Variants in FUT8 observed in about 807,000 individuals in gnomAD.
The protein encoded by FUT8 is fucosyltransferase 8, also known as alpha-(1,6)-fucosyltransferase.
FUT8 carries 29 observed loss-of-function variants against 71.3 expected under a neutral mutation model. The observed-to-expected ratio is 0.41, with a 90% confidence interval of 0.30 to 0.55. The LOEUF is 0.55. FUT8 is among the 20% of genes least tolerant of loss of function. The pLI, the probability that FUT8 is intolerant of heterozygous loss-of-function variation, is 0.34. For synonymous variants in FUT8, 254 were observed against 239.3 expected, an observed-to-expected ratio of 1.06 and a Z score of -0.57; for missense variants, 544 against 702.1, an observed-to-expected ratio of 0.77 and a Z score of 2.55.
chr14:65,439,970 A>ACGTATACATATATATATATGTACG (rs1566748227), intron 1 of FUT8, among the ~76,000 whole-genome samples: 1 of 134,502 alleles, frequency 7.4e-6, no homozygotes. Context: ...ATATATATAT[A>ACGTATACATATATATATATGTACG]TATATATATA....
At chr14:65,623,872 G>T (rs182885828) in intron 5 of FUT8, among the ~76,000 whole-genome samples, 1 of 152,180 alleles carries the variant, frequency 6.6e-6, no homozygotes, top group Non-Finnish European at 1.5e-5. Flanking sequence ...TCTTTAGTAT[G>T]CCCACTTATT....
chr14:65,415,992 G>GT (rs1566733424), intron 1 of FUT8, among the ~76,000 whole-genome samples: 3 of 151,912 alleles, frequency 2.0e-5, no homozygotes, highest in African/African-American at 4.8e-5. Flanking sequence ...TGGAATATTG[G>GT]TTTTTTTGCA....
intron 1 of FUT8, among the ~76,000 whole-genome samples, chr14:65,431,156 C>T (rs1338750644): frequency 2.8e-5 from 4 of 141,990 alleles, no homozygotes; most frequent in Non-Finnish European, 4.7e-5. Context: ...CCACTATACC[C>T]GGCTAATTTT....
At chr14:65,644,203 A>G (rs1891005330) in intron 6 of FUT8, among the ~76,000 whole-genome samples, 1 of 152,168 alleles carries the variant, frequency 6.6e-6, no homozygotes, top group Admixed American at 6.5e-5. Flanking sequence ...GAGTCACCTG[A>G]AACCTATTCA....
chr14:65,527,688 C>T (rs1169653317), intron 2 of FUT8, among the ~76,000 whole-genome samples: 2 of 151,768 alleles, frequency 1.3e-5, no homozygotes, highest in African/African-American at 4.8e-5. Context: ...TTTTATCTAC[C>T]TTTGGTCTTT....
rs367742096 is a variant in FUT8, at chr14:65,733,294, A to C, written c.1323A>C (p.Arg441=). ...SISWSAGLHN[R]YTENSLRGVI... is the part of the protein sequence containing the mutation. ...CCTGGTCAGCTGGACTGCACAATCGATACACAGAAAATTCACTTCGTGGAG... is the reference window on the plus strand; with the variant it reads ...CCTGGTCAGCTGGACTGCACAATCGCTACACAGAAAATTCACTTCGTGGAG... The change falls in exon 10 of 11, where the codon CGA becomes CGC. Residue 441 remains arginine, a synonymous_variant. Coordinates refer to ENST00000673929, the MANE Select transcript of FUT8 (RefSeq NM_001371533.1). The C allele has an allele frequency of 3.1e-6, 5 of 1,609,302 alleles. No individual in the cohort carries two copies. The African/African-American group carries it at 6.7e-5, about 22-fold the overall frequency.
chr14:65,600,975 A>G (rs1888260587), intron 3 of FUT8, among the ~76,000 whole-genome samples: 1 of 152,174 alleles, frequency 6.6e-6, no homozygotes, highest in African/African-American at 2.4e-5. Flanking sequence ...TGTCAAAGTA[A>G]ATATGGACAC....
At position 65,518,133 on chromosome 14, in the gene FUT8, A is replaced by G. The variant is rs377478182; in HGVS notation, c.-227-43204A>G. On this transcript the variant is annotated intron_variant, in intron 2 of 10. Coordinates refer to ENST00000673929, the MANE Select transcript of FUT8 (RefSeq NM_001371533.1). ...CTTTTAGGGTTTTTCTATGTGTGCA[A>G]GCTGGACCTTTTGAAGTTTAACACT... is the stretch of plus-strand genomic sequence containing the variant. Among the ~76,000 whole-genome samples, 14 of 152,306 alleles carry G rather than the reference A, an allele frequency of 9.2e-5. No individual in the cohort carries two copies. In the East Asian group the frequency reaches 2.5e-3, roughly 27 times the overall value.
chr14:65,473,916 G>T (rs2066188429), intron 2 of FUT8, among the ~76,000 whole-genome samples: 1 of 152,090 alleles, frequency 6.6e-6, no homozygotes, highest in South Asian at 2.1e-4. Context: ...ATTGTTTTAA[G>T]CATTTCTATT....
chr14:65,525,575 G>C (rs1430374496), intron 2 of FUT8, among the ~76,000 whole-genome samples: 3 of 152,250 alleles, frequency 2.0e-5, no homozygotes, highest in African/African-American at 7.2e-5. Flanking sequence ...GTTCTGCTCT[G>C]ATCTTAGTTA....
At chr14:65,709,934 C>T (rs1415640047) in intron 7 of FUT8, among the ~76,000 whole-genome samples, 1 of 152,204 alleles carries the variant, frequency 6.6e-6, no homozygotes, top group Non-Finnish European at 1.5e-5. Flanking sequence ...TAAATCCAAA[C>T]CACAAAATCA....
chr14:65,526,578 G>A lies in FUT8; in HGVS notation c.-227-34759G>A, dbSNP rs546547540. Among the ~76,000 whole-genome samples the A allele has an allele frequency of 8.5e-5, 13 of 152,222 alleles. 1 individual carries two copies. The South Asian group carries it at 2.7e-3, about 32-fold the overall frequency. On this transcript the variant is annotated intron_variant, in intron 2 of 10. Coordinates refer to ENST00000673929, the MANE Select transcript of FUT8 (RefSeq NM_001371533.1). ...CCCATTTACATTTAAGGTTAATATTGTTATGTGTGAATTTGATCCTGTCAT... is the reference window on the plus strand; with the variant it reads ...CCCATTTACATTTAAGGTTAATATTATTATGTGTGAATTTGATCCTGTCAT...
intron 2 of FUT8, among the ~76,000 whole-genome samples, chr14:65,536,969 CT>C (rs57549287): frequency 0.53 from 66,095 of 124,282 alleles, 16,223 homozygotes; most frequent in East Asian, 0.65. Flanking sequence ...TCTTCTTCTT[CT>C]TTTTTTTTTT....
chr14:65,535,970 G>A (rs1884281373), intron 2 of FUT8, among the ~76,000 whole-genome samples: 1 of 152,062 alleles, frequency 6.6e-6, no homozygotes, highest in African/African-American at 2.4e-5. Flanking sequence ...CTCCTGTGTT[G>A]GGTGCATATA....
At chr14:65,676,863 T>G (rs1012658735) in intron 7 of FUT8, among the ~76,000 whole-genome samples, 4 of 152,080 alleles carry the variant, frequency 2.6e-5, no homozygotes, top group African/African-American at 9.7e-5. Flanking sequence ...TTGAAGAAAG[T>G]AAAGAATGCA....
intron 6 of FUT8, among the ~76,000 whole-genome samples, chr14:65,656,510 A>G (rs572003083): frequency 4.6e-5 from 7 of 152,356 alleles, no homozygotes; most frequent in Admixed American, 6.5e-5. Flanking sequence ...AAGATATTCT[A>G]TGTTCATGGA....
chr14:65,521,261 A>G (rs1883059097), intron 2 of FUT8, among the ~76,000 whole-genome samples: 1 of 152,204 alleles, frequency 6.6e-6, no homozygotes, highest in South Asian at 2.1e-4. Flanking sequence ...GCTTGAATTA[A>G]TACTATAAAC....
chr14:65,453,896 T>C (rs1160839350), intron 1 of FUT8, among the ~76,000 whole-genome samples: 1 of 152,224 alleles, frequency 6.6e-6, no homozygotes, highest in African/African-American at 2.4e-5. Flanking sequence ...CTCTGTTCTT[T>C]TCAAGTTAGC....
intron 10 of FUT8, among the ~76,000 whole-genome samples, chr14:65,734,243 T>C (rs1170045245): frequency 6.6e-6 from 1 of 152,002 alleles, no homozygotes; most frequent in Non-Finnish European, 1.5e-5. Flanking sequence ...ATAAGATAAA[T>C]GTATGCTTAA....
Sources: gnomAD v4.1 joint callset for allele counts (sites outside exome capture counted in the v4.1 genomes callset) on GRCh38, gnomAD v4.1.1 for gene constraint, MANE v1.5 for transcripts, NCBI Gene and HGNC (gene_info 2026-07-23, HGNC 2026-07-21) for gene names.